PPIA: variants seen among roughly 807,000 people sequenced by gnomAD.
The protein encoded by PPIA is peptidyl-prolyl cis-trans isomerase A.
PPIA carries 2 observed loss-of-function variants against 15.3 expected under a neutral mutation model. The ratio of observed to expected loss-of-function variants is 0.13; its 90% CI spans 0.05 to 0.41. PPIA has a LOEUF of 0.41. Ranked by LOEUF, PPIA falls within the 10% of genes least tolerant of loss-of-function variation. The probability of loss-of-function intolerance (pLI) is 0.99; values close to 1 mark genes in which losing one functional copy is unlikely to be tolerated. For synonymous variants in PPIA, 67 were observed against 73.1 expected, an observed-to-expected ratio of 0.92 and a Z score of 0.43; for missense variants, 103 against 210.3, an observed-to-expected ratio of 0.49 and a Z score of 3.16.
intron 1 of PPIA, 140 bp downstream of exon 1, chr7:44,796,933 A>G (rs1415758861): frequency 3.2e-6 from 3 of 937,080 alleles, no homozygotes; most frequent in Non-Finnish European, 4.5e-6. Flanking sequence ...CCATTTCCTG[A>G]CGAGGGGCCA....
At chr7:44,798,675 GTAT>G (rs937534320) in intron 1 of PPIA, 3 of 880,070 alleles carry the variant, frequency 3.4e-6, no homozygotes, top group Non-Finnish European at 4.1e-6. Context: ...TAGCCATAAC[GTAT>G]TATACATTCA....
intron 1 of PPIA, 91 bp from the exon 2 acceptor site, chr7:44,799,156 A>G: frequency 1.4e-6 from 2 of 1,403,070 alleles, no homozygotes; most frequent in Non-Finnish European, 2.0e-6. Flanking sequence ...TTCTAGTGAG[A>G]AAATGAATTT....
chr7:44,798,619 T>C (rs1285999596), intron 1 of PPIA: 1 of 556,428 alleles, frequency 1.8e-6, no homozygotes, highest in Non-Finnish European at 2.3e-6. Context: ...ACAAGCTGTT[T>C]TTATGAAAGG....
intron 4 of PPIA, 30 bp downstream of exon 4, chr7:44,799,904 C>G (rs767419838): frequency 6.2e-7 from 1 of 1,600,038 alleles, no homozygotes; most frequent in African/African-American, 1.3e-5. Flanking sequence ...CACTAACCAC[C>G]TGACTAAATG....
At chr7:44,799,907 A>C in intron 4 of PPIA, 33 bp downstream of exon 4, 1 of 1,598,178 alleles carries the variant, frequency 6.3e-7, no homozygotes, top group Non-Finnish European at 8.5e-7. Context: ...TAACCACCTG[A>C]CTAAATGAAA....
At position 44,802,824 on chromosome 7, in the gene PPIA, C is replaced by T. The variant is rs1258933337; in HGVS notation, c.*1402C>T. The T allele has an allele frequency of 7.3e-6, 1 of 137,036 alleles. No homozygotes were observed. Among genetic ancestry groups the T allele is most frequent in the African/African-American group, 2.5e-5 (1 of 40,594 alleles). The allele number at this position is 137,036 out of a possible 1,614,324, so 8.5% of individuals were successfully genotyped here. On this transcript the variant is annotated 3_prime_UTR_variant, in exon 5 of 5. Transcript: ENST00000468812. ...GCTGGCAGTTAGATGTCAGGACAAT[C>T]TAAGCTGAGAAAACCCCTTCTCTGC...
intron 4 of PPIA, 166 bp downstream of exon 4, chr7:44,800,040 C>G: frequency 5.7e-6 from 4 of 702,340 alleles, no homozygotes; most frequent in Non-Finnish European, 9.3e-6. Flanking sequence ...CAATGTGATA[C>G]AGAATGTCAG....
Position 44,801,268 on chromosome 7 carries a change from A to C in PPIA, c.363-19A>C. 6.2e-7 allele frequency: 1 copy of C among 1,609,244 alleles called. No individual in the cohort carries two copies. The highest frequency in any genetic ancestry group is 8.5e-7 in the Non-Finnish European group (1 of 1,177,696). On this transcript the variant is annotated intron_variant, in intron 4 of 4. Coordinates refer to ENST00000468812, the MANE Select transcript of PPIA (RefSeq NM_021130.5). The stretch of plus-strand genomic sequence containing the variant: ...TTGTTTGTGGTTGCCAGTCATAGTG[A>C]TTGTTCTTCCTTTTCAAGGTTGGAT...
At position 44,801,338 on chromosome 7, in the gene PPIA, T is replaced by C. The variant is rs527679277; in HGVS notation, c.414T>C (p.Ile138=). 9.9e-6 allele frequency: 16 copies of C among 1,611,832 alleles called. No homozygotes were observed. The Admixed American group carries it at 2.5e-4, about 25-fold the overall frequency. ...GCAAAGTGAAAGAAGGCATGAATAT[T>C]GTGGAGGCCATGGAGCGCTTTGGGT... The part of the protein sequence containing the change: ...VFGKVKEGMN[I]VEAMERFGSR... Residue 138 remains isoleucine (I), a synonymous_variant, in exon 5 of 5, where the codon ATT becomes ATC. Coordinates refer to ENST00000468812, the MANE Select transcript of PPIA (RefSeq NM_021130.5).
chr7:44,797,162 A>G (rs1271004828), intron 1 of PPIA, among the ~76,000 whole-genome samples: 1 of 152,156 alleles, frequency 6.6e-6, no homozygotes, highest in Non-Finnish European at 1.5e-5. Context: ...GGCGCCGCAG[A>G]CCGGAGCCAG....
At chr7:44,799,599 C>T (rs1792485113) in intron 3 of PPIA, 103 bp from the exon 4 acceptor site, 1 of 1,574,992 alleles carries the variant, frequency 6.3e-7, no homozygotes, top group Admixed American at 1.7e-5. Context: ...TCTATTTAAC[C>T]CTTCTATTCA....
At chr7:44,797,086 C>T (rs1020298353) in intron 1 of PPIA, among the ~76,000 whole-genome samples, 1 of 152,206 alleles carries the variant, frequency 6.6e-6, no homozygotes, top group Non-Finnish European at 1.5e-5. Context: ...GTCCGACGCA[C>T]GTGCTCGGCG....
In PPIA at chr7:44,802,718, A is replaced by G. The variant is rs2116994829; in HGVS notation, c.*1296A>G. 6.6e-6 allele frequency: 1 copy of G among 152,306 alleles called. No individual in the cohort carries two copies. Among genetic ancestry groups the G allele is most frequent in the South Asian group, 2.1e-4 (1 of 4,830 alleles). The allele number at this position is 152,306 out of a possible 1,614,324, so 9.4% of individuals were successfully genotyped here. A position where few individuals can be genotyped will look rare whatever the true frequency, so the allele number is the denominator to read the frequency against. On this transcript the variant is annotated 3_prime_UTR_variant, in exon 5 of 5. Coordinates refer to ENST00000468812, the MANE Select transcript of PPIA (RefSeq NM_021130.5). The stretch of plus-strand genomic sequence containing the variant: ...CTTTGAGGTTTTGCAAACCTGACCA[A>G]TTTAAGCCATAAGATCTGGTCAAAG...
intron 2 of PPIA, 49 bp downstream of exon 2, chr7:44,799,326 T>C: frequency 1.3e-6 from 2 of 1,537,368 alleles, no homozygotes; most frequent in African/African-American, 1.5e-5. Flanking sequence ...TGTGACAGTT[T>C]GTGTGTGTGT....
chr7:44,801,940 G>C lies in PPIA; in HGVS notation c.*518G>C, dbSNP rs1792575233. The C allele has an allele frequency of 6.2e-6, 1 of 161,584 alleles. No homozygotes were observed. Among genetic ancestry groups the C allele is most frequent in the African/African-American group, 2.4e-5 (1 of 41,460 alleles). The allele number at this position is 161,584 out of a possible 1,614,324, so 10.0% of individuals were successfully genotyped here. A position where few individuals can be genotyped will look rare whatever the true frequency, so the allele number is the denominator to read the frequency against. On this transcript the variant is annotated 3_prime_UTR_variant, in exon 5 of 5. Transcript: ENST00000468812. The stretch of plus-strand genomic sequence containing the variant: ...TAATTAGCCTGGCCTGGTGGTGCAT[G>C]CCTAGTCCTAGCTGATCTGGAGGCT...
intron 1 of PPIA, among the ~76,000 whole-genome samples, chr7:44,797,189 G>C (rs1792400001): frequency 6.6e-6 from 1 of 152,216 alleles, no homozygotes; most frequent in Admixed American, 6.5e-5. Context: ...GCTCGCGGGG[G>C]CTTGCGACCG....
intron 4 of PPIA, 96 bp downstream of exon 4, chr7:44,799,970 C>T: frequency 7.6e-7 from 1 of 1,322,116 alleles, no homozygotes; most frequent in Non-Finnish European, 1.1e-6. Flanking sequence ...CCTTTGCTTC[C>T]ACAGACTTTT....
At chr7:44,798,862 C>A (rs11547715) in intron 1 of PPIA, 4 of 1,017,768 alleles carry the variant, frequency 3.9e-6, no homozygotes, top group Non-Finnish European at 3.5e-6. Context: ...CTGTTTACCC[C>A]TGATCGTGCA....
intron 1 of PPIA, 83 bp downstream of exon 1, chr7:44,796,876 G>A (rs1792383588): frequency 6.9e-7 from 1 of 1,442,472 alleles, no homozygotes; most frequent in Non-Finnish European, 9.4e-7. Flanking sequence ...AAAGGCCCGG[G>A]CGCGGGGCGA....
Sources: allele counts gnomAD v4.1 joint callset (sites outside exome capture counted in the v4.1 genomes callset), GRCh38; gene constraint gnomAD v4.1.1; transcripts MANE v1.5; gene names NCBI Gene and HGNC (gene_info 2026-07-23, HGNC 2026-07-21).